IFT88: variants seen among roughly 807,000 people sequenced by gnomAD.
The protein encoded by IFT88 is intraflagellar transport protein 88 homolog.
A neutral mutation model predicts 119.5 loss-of-function variants in IFT88; 74 were observed. The observed-to-expected ratio is 0.62, with a 90% CI of 0.51 to 0.75. The LOEUF is 0.75. Ranked by LOEUF, IFT88 falls within the 30% of genes least tolerant of loss-of-function variation. The pLI, the probability that IFT88 is intolerant of heterozygous loss-of-function variation, is 0.00. For missense variants in IFT88, 961 were observed against 977.7 expected (o/e 0.98, Z 0.23); for synonymous variants, 279 against 316.7 (o/e 0.88, Z 1.26).
At chr13:20,596,858 C>G (rs2041731162) in intron 8 of IFT88, among the ~76,000 whole-genome samples, 157 bp from the exon 9 acceptor site, 1 of 151,982 alleles carries the variant, frequency 6.6e-6, no homozygotes, top group South Asian at 2.1e-4. Context: ...ACAAAAAGTC[C>G]CTTTCCAAGG....
At chr13:20,637,565 T>C (rs1052647970) in intron 16 of IFT88, among the ~76,000 whole-genome samples, 10 of 152,246 alleles carry the variant, frequency 6.6e-5, no homozygotes, top group Admixed American at 3.3e-4. Context: ...AACCCTATCT[T>C]GGAGCAGGGA....
chr13:20,618,107 A>G (rs2045925438), intron 14 of IFT88, among the ~76,000 whole-genome samples: 1 of 152,022 alleles, frequency 6.6e-6, no homozygotes, highest in Non-Finnish European at 1.5e-5. Context: ...TTTTTAGTAG[A>G]GACGGGGTTT....
chr13:20,638,527 A>G lies in IFT88; in HGVS notation c.1573+9A>G. On this transcript the variant is annotated intron_variant, in intron 17 of 25. Transcript: ENST00000351808. The stretch of plus-strand genomic sequence containing the variant: ...AGCACTTTATAATATTGGTAAGTGA[A>G]ACAAGGGGAAATTGCTTTTTAAATT... 1.4e-6 allele frequency: 2 copies of G among 1,392,902 alleles called. No individual in the cohort carries two copies. Among genetic ancestry groups the G allele is most frequent in the South Asian group, 2.0e-5 (1 of 51,064 alleles). The allele number at this position is 1,392,902 out of a possible 1,614,324, so 86.3% of individuals were successfully genotyped here.
intron 2 of IFT88, among the ~76,000 whole-genome samples, chr13:20,579,291 G>A (rs2038071155): frequency 6.6e-6 from 1 of 152,166 alleles, no homozygotes; most frequent in African/African-American, 2.4e-5. Context: ...GCCAGGGCCT[G>A]GAGTCAGAAT....
At position 20,674,675 on chromosome 13, in the gene IFT88, CAT is replaced by C. The variant is rs374161822; in HGVS notation, c.2242+3639_2242+3640del. Among the ~76,000 whole-genome samples the C allele has an allele frequency of 1.9e-3, 264 of 140,110 alleles. 1 individual carries two copies. Among genetic ancestry groups the C allele is most frequent in the East Asian group, 0.017 (75 of 4,502 alleles). 91.9% of individuals were successfully genotyped at this position (140,110 alleles called of 152,430 possible). On this transcript the variant is annotated intron_variant, in intron 24 of 25. Coordinates refer to ENST00000351808, the MANE Select transcript of IFT88 (RefSeq NM_006531.5). ...TATCTTTTATAAAGCACATTGTAAA[CAT>C]ATTTTATTTAAAAAAACTGAAGTTT...
rs755926162 is a variant in IFT88 at position 20,592,332 on chromosome 13, CA to C, written c.329-2del. ...GAATATTAACTCTTGAATTGTGTCT[CA>C]GGCTCTGCATTTGACCCCCTTAGTC... is the stretch of plus-strand genomic sequence containing the variant. On this transcript the variant is annotated splice_acceptor_variant, in intron 6 of 25. Coordinates refer to ENST00000351808, the MANE Select transcript of IFT88 (RefSeq NM_006531.5). LOFTEE classifies it high-confidence loss of function. 6.2e-6 allele frequency: 10 copies of C among 1,606,608 alleles called. No homozygotes were observed. Among genetic ancestry groups the C allele is most frequent in the Non-Finnish European group, 8.5e-6 (10 of 1,177,156 alleles).
intron 13 of IFT88, among the ~76,000 whole-genome samples, chr13:20,610,733 G>C (rs1040379474): frequency 6.6e-5 from 10 of 151,010 alleles, no homozygotes; most frequent in African/African-American, 2.4e-4. Context: ...TATGAACATA[G>C]ACTCAAAAGC....
chr13:20,591,127 TTACTTA>T, intron 5 of IFT88, 107 bp downstream of exon 5: 1 of 751,180 alleles, frequency 1.3e-6, no homozygotes, highest in Non-Finnish European at 2.2e-6. Flanking sequence ...AAAGAAGATA[TTACTTA>T]TATAGTGACC....
chr13:20,645,150 C>T (rs972147395), intron 20 of IFT88, among the ~76,000 whole-genome samples, 192 bp downstream of exon 20: 2 of 152,072 alleles, frequency 1.3e-5, no homozygotes, highest in African/African-American at 4.8e-5. Context: ...AGTGCAATGG[C>T]GTGATCTCGG....
intron 12 of IFT88, among the ~76,000 whole-genome samples, chr13:20,602,206 C>CTTTTTTTTTTTTTT (rs11458148): frequency 8.5e-6 from 1 of 118,186 alleles, no homozygotes. Flanking sequence ...AGCATAATAT[C>CTTTTTTTTTTTTTT]TTTTTTTTTT....
At chr13:20,654,493 A>G (rs1438884850) in intron 21 of IFT88, among the ~76,000 whole-genome samples, 1 of 152,242 alleles carries the variant, frequency 6.6e-6, no homozygotes, top group African/African-American at 2.4e-5. Flanking sequence ...TAAAATATCA[A>G]AGATCAAGCT....
At chr13:20,632,883 G>A (rs2048413460) in intron 16 of IFT88, among the ~76,000 whole-genome samples, 1 of 152,200 alleles carries the variant, frequency 6.6e-6, no homozygotes, top group Non-Finnish European at 1.5e-5. Flanking sequence ...CCCTCTTAGA[G>A]CTTCTGATCT....
rs76350962 is a variant in IFT88, at chr13:20,689,962, G to A, written c.2243-743G>A. On this transcript the variant is annotated intron_variant, in intron 24 of 25. Coordinates refer to ENST00000351808, the MANE Select transcript of IFT88 (RefSeq NM_006531.5). ...GTACACTAAAGAGCTTTATTTTCCCGTAACATCAGTGGTAGGGGAAATGGT... is the reference window on the plus strand; with the variant it reads ...GTACACTAAAGAGCTTTATTTTCCCATAACATCAGTGGTAGGGGAAATGGT... 3.9e-3 allele frequency among the ~76,000 whole-genome samples: 599 copies of A among 152,250 alleles called. 4 individuals are homozygous for A. The highest frequency in any genetic ancestry group is 0.012 in the African/African-American group (493 of 41,538).
At chr13:20,682,728 A>G (rs905595766) in intron 24 of IFT88, among the ~76,000 whole-genome samples, 3 of 152,232 alleles carry the variant, frequency 2.0e-5, no homozygotes, top group Non-Finnish European at 2.9e-5. Context: ...TATCATCTAT[A>G]TAATGAATAA....
At chr13:20,598,811 T>C (rs2042156850) in intron 10 of IFT88, 58 bp downstream of exon 10, 3 of 1,000,830 alleles carry the variant, frequency 3.0e-6, no homozygotes, top group Admixed American at 3.6e-5. Flanking sequence ...TGTTAATTTA[T>C]GTCTCTTCAT....
chr13:20,576,679 A>G (rs1218867922), intron 2 of IFT88, among the ~76,000 whole-genome samples: 1 of 152,160 alleles, frequency 6.6e-6, no homozygotes, highest in Non-Finnish European at 1.5e-5. Context: ...AGTTCACTGT[A>G]GATGTCTAGA....
At chr13:20,629,177 C>CA (rs2047808472) in intron 15 of IFT88, among the ~76,000 whole-genome samples, 1 of 152,084 alleles carries the variant, frequency 6.6e-6, no homozygotes, top group Non-Finnish European at 1.5e-5. Context: ...TTTATTATGA[C>CA]ACAGTCTAAA....
intron 15 of IFT88, among the ~76,000 whole-genome samples, 194 bp downstream of exon 15, chr13:20,626,043 CTTTTTTTTTTTTTTTTTTTT>C (rs528587128): frequency 2.5e-5 from 1 of 39,540 alleles, no homozygotes. Context: ...TTTGTCGTTT[CTTTTTTTTTTTTTTTTTTTT>C]TTTTTTTTTT....
intron 22 of IFT88, among the ~76,000 whole-genome samples, chr13:20,661,061 G>T (rs1239516391): frequency 1.3e-5 from 2 of 152,080 alleles, no homozygotes; most frequent in Non-Finnish European, 2.9e-5. Flanking sequence ...ATGTGCTGGG[G>T]ATACAACAGA....
Sources: gnomAD v4.1 joint callset for allele counts (sites outside exome capture counted in the v4.1 genomes callset) on GRCh38, gnomAD v4.1.1 for gene constraint, MANE v1.5 for transcripts, NCBI Gene and HGNC (gene_info 2026-07-23, HGNC 2026-07-21) for gene names.